Variants in GRM3 observed in about 807,000 individuals in gnomAD.
GRM3 encodes glutamate metabotropic receptor 3.
Under a neutral mutation model 70.5 loss-of-function variants are expected in GRM3, and 26 were observed. The ratio of observed to expected loss-of-function variants is 0.37; its 90% CI spans 0.27 to 0.51. The LOEUF (loss-of-function observed/expected upper bound fraction) is 0.51, where lower values mean the gene tolerates loss of function less well. Among genes scored for constraint, GRM3 ranks in the 20% least tolerant of loss-of-function variants. The pLI is 0.93. For missense variants in GRM3, 859 were observed against 1,123.8 expected (o/e 0.76, Z 3.37); for synonymous variants, 443 against 434.9 (o/e 1.02, Z -0.23).
At chr7:86,808,995 A>T (rs1797855769) in intron 3 of GRM3, among the ~76,000 whole-genome samples, 1 of 152,074 alleles carries the variant, frequency 6.6e-6, no homozygotes, top group Non-Finnish European at 1.5e-5. Flanking sequence ...AATATCAAAG[A>T]TTTCAAATAG....
intron 3 of GRM3, among the ~76,000 whole-genome samples, chr7:86,810,416 A>G (rs1797886027): frequency 6.6e-6 from 1 of 151,596 alleles, no homozygotes; most frequent in Non-Finnish European, 1.5e-5. Context: ...TTTTATTCTG[A>G]AAAAAAATGT....
intron 1 of GRM3, among the ~76,000 whole-genome samples, chr7:86,721,775 T>C (rs1795470503): frequency 1.3e-5 from 2 of 152,090 alleles, no homozygotes; most frequent in South Asian, 2.1e-4. Context: ...CCAATGCATT[T>C]TGAGGCAAAA....
chr7:86,669,159 A>C (rs957227979), intron 1 of GRM3, among the ~76,000 whole-genome samples: 5 of 152,196 alleles, frequency 3.3e-5, no homozygotes, highest in African/African-American at 1.2e-4. Flanking sequence ...GTGCTGAAAC[A>C]GTGGTTCTCT....
At chr7:86,688,053 T>C (rs1287869055) in intron 1 of GRM3, among the ~76,000 whole-genome samples, 1 of 151,376 alleles carries the variant, frequency 6.6e-6, no homozygotes, top group African/African-American at 2.4e-5. Flanking sequence ...GTAAATGGAG[T>C]CAACTCTCAA....
At chr7:86,705,716 G>C (rs1795041950) in intron 1 of GRM3, among the ~76,000 whole-genome samples, 1 of 151,994 alleles carries the variant, frequency 6.6e-6, no homozygotes, top group Admixed American at 6.6e-5. Flanking sequence ...AAACAAAAAA[G>C]AAACAGTTTA....
intron 1 of GRM3, among the ~76,000 whole-genome samples, chr7:86,721,750 GGAT>G (rs1342049155): frequency 6.6e-6 from 1 of 152,012 alleles, no homozygotes; most frequent in Admixed American, 6.6e-5. Context: ...CTTGTCAAGG[GGAT>G]GATACCAAGA....
At position 86,720,572 on chromosome 7, in the gene GRM3, G is replaced by A. The variant is rs573627067; in HGVS notation, c.-140-44434G>A. On this transcript the variant is annotated intron_variant, in intron 1 of 5. Coordinates refer to ENST00000361669, the MANE Select transcript of GRM3 (RefSeq NM_000840.3). ...AGGCAATAGCCTAGATATCTTGGCC[G>A]TGCCATGAGATATGACAGAGTCCAG... is the stretch of plus-strand genomic sequence containing the variant. Among the ~76,000 whole-genome samples the A allele has an allele frequency of 4.7e-3, 719 of 152,170 alleles. 7 individuals carry two copies. Among genetic ancestry groups the A allele is most frequent in the African/African-American group, 0.016 (680 of 41,524 alleles).
rs778170260 is a variant in GRM3 at position 86,786,847 on chromosome 7, G to C, written c.1055G>C (p.Arg352Pro). 6.2e-7 allele frequency: 1 copy of C among 1,614,202 alleles called. No individual in the cohort carries two copies. ...AACAACCACCGCAACCCCTGGTTCC[G>C]GGACTTCTGGGAGCAAAAGTTTCAG... Reference protein sequence around the residue: ...PYNNHRNPWFRDFWEQKFQCS... With the variant: ...PYNNHRNPWFPDFWEQKFQCS... The change falls in exon 3 of 6, where the codon CGG becomes CCG. Residue 352 changes from arginine to proline, a missense_variant. Coordinates refer to ENST00000361669, the MANE Select transcript of GRM3 (RefSeq NM_000840.3). This position sits in a 1 kb window ranked among gnomAD's most constrained non-coding sequence, Gnocchi z 6.0.
At chr7:86,661,371 C>G (rs1562816804) in intron 1 of GRM3, among the ~76,000 whole-genome samples, 1 of 151,952 alleles carries the variant, frequency 6.6e-6, no homozygotes. Flanking sequence ...TCCATCGATC[C>G]TTCCCAGAAA....
At chr7:86,763,371 A>T (rs543833164) in intron 1 of GRM3, among the ~76,000 whole-genome samples, 1 of 152,100 alleles carries the variant, frequency 6.6e-6, no homozygotes, top group African/African-American at 2.4e-5. Context: ...TAATACGTTC[A>T]TCTTATCTTG....
chr7:86,685,219 C>A (rs1341613643), intron 1 of GRM3, among the ~76,000 whole-genome samples: 1 of 152,080 alleles, frequency 6.6e-6, no homozygotes. Context: ...ATTAAAGCAC[C>A]AAAGACAGTT....
intron 1 of GRM3, among the ~76,000 whole-genome samples, chr7:86,701,379 A>AT (rs1361532898): frequency 6.6e-6 from 1 of 151,858 alleles, no homozygotes; most frequent in East Asian, 1.9e-4. Context: ...AATCTAAATT[A>AT]TTTTTTAGAA....
At position 86,864,590 on chromosome 7, in the gene GRM3, G is replaced by T; in HGVS notation, c.*235G>T. On this transcript the variant is annotated 3_prime_UTR_variant, in exon 6 of 6. Transcript: ENST00000361669. ...AACATGGAAATAACCATTGTTTACA[G>T]AGCTGAGCATTGGTGACAGGGTCTG... 1 of 346,528 alleles carries T rather than the reference G, an allele frequency of 2.9e-6. No individual in the cohort carries two copies. Among genetic ancestry groups the T allele is most frequent in the African/African-American group, 2.2e-5 (1 of 44,788 alleles). 21.5% of individuals were successfully genotyped at this position (346,528 alleles called of 1,614,324 possible).
In GRM3 at chr7:86,777,831, C is replaced by T. The variant is rs114191549; in HGVS notation, c.469-8430C>T. ...CTCCAGTTCCAGTTTAAAATACAAG[C>T]CAATCTGGGATTTTGTACAGCTAAT... On this transcript the variant is annotated intron_variant, in intron 2 of 5. Coordinates refer to ENST00000361669, the MANE Select transcript of GRM3 (RefSeq NM_000840.3). Among the ~76,000 whole-genome samples, 407 of 152,212 alleles carry T rather than the reference C, an allele frequency of 2.7e-3. 3 individuals carry two copies. Among genetic ancestry groups the T allele is most frequent in the African/African-American group, 9.5e-3 (394 of 41,526 alleles).
intron 3 of GRM3, among the ~76,000 whole-genome samples, chr7:86,789,652 T>G (rs1453991109): frequency 1.3e-5 from 2 of 152,204 alleles, no homozygotes; most frequent in Non-Finnish European, 2.9e-5. Flanking sequence ...TCTGTTCAAT[T>G]AGGCTGAAAA....
At chr7:86,769,315 C>T (rs985797544) in intron 2 of GRM3, among the ~76,000 whole-genome samples, 10 of 152,214 alleles carry the variant, frequency 6.6e-5, no homozygotes, top group African/African-American at 1.7e-4. Context: ...TGAGTATGAA[C>T]CTGTCACATA....
At chr7:86,811,416 G>A (rs764299328) in intron 3 of GRM3, among the ~76,000 whole-genome samples, 2 of 151,626 alleles carry the variant, frequency 1.3e-5, no homozygotes, top group African/African-American at 2.4e-5. Flanking sequence ...CTCCATCCTA[G>A]GTGTATGATT....
At chr7:86,796,624 G>A (rs548070391) in intron 3 of GRM3, among the ~76,000 whole-genome samples, 26 of 152,284 alleles carry the variant, frequency 1.7e-4, no homozygotes, top group Non-Finnish European at 2.9e-4. Context: ...AGTGGGAAAA[G>A]CATTGAATCT....
chr7:86,805,371 A>G (rs1797768509), intron 3 of GRM3, among the ~76,000 whole-genome samples: 1 of 152,062 alleles, frequency 6.6e-6, no homozygotes, highest in Admixed American at 6.6e-5. Context: ...CATATACACA[A>G]CCTTCCCACC....
Sources: gnomAD v4.1 joint callset for allele counts (sites outside exome capture counted in the v4.1 genomes callset) on GRCh38, gnomAD v4.1.1 for gene constraint, Gnocchi (gnomAD v3.1) non-coding constraint, MANE v1.5 for transcripts, NCBI Gene and HGNC (gene_info 2026-07-23, HGNC 2026-07-21) for gene names.